PAXIP1: variants seen among roughly 807,000 people sequenced by gnomAD.
The protein encoded by PAXIP1 is PAX interacting protein 1, also known as PAX-interacting protein 1.
Under a neutral mutation model 140.6 loss-of-function variants are expected in PAXIP1, and 19 were observed. The ratio of observed to expected loss-of-function variants is 0.14; its 90% CI spans 0.09 to 0.20. The LOEUF is 0.20. Among genes scored for constraint, PAXIP1 ranks in the 10% least tolerant of loss-of-function variants. The probability of loss-of-function intolerance (pLI) is 1.00; values close to 1 mark genes in which losing one functional copy is unlikely to be tolerated. For missense variants in PAXIP1, 920 were observed against 1,208.6 expected (o/e 0.76, Z 3.54); for synonymous variants, 442 against 444.6 (o/e 0.99, Z 0.07).
chr7:154,989,193 C>T (rs1810210142), intron 4 of PAXIP1, among the ~76,000 whole-genome samples: 1 of 152,184 alleles, frequency 6.6e-6, no homozygotes, highest in South Asian at 2.1e-4. Context: ...AACAAAAACA[C>T]AGTAACCACA....
chr7:154,990,239 C>A (rs1420639025), intron 4 of PAXIP1, among the ~76,000 whole-genome samples: 1 of 152,010 alleles, frequency 6.6e-6, no homozygotes, highest in East Asian at 1.9e-4. Context: ...CGGGGTTTCG[C>A]CACGTTTGCC....
chr7:154,988,611 C>T (rs1343753122), intron 4 of PAXIP1, among the ~76,000 whole-genome samples: 1 of 152,116 alleles, frequency 6.6e-6, no homozygotes, highest in Non-Finnish European at 1.5e-5. Context: ...TTTTGATTTT[C>T]TTATTTATTT....
At chr7:154,972,340 T>C (rs1809368046) in intron 6 of PAXIP1, among the ~76,000 whole-genome samples, 1 of 152,026 alleles carries the variant, frequency 6.6e-6, no homozygotes, top group African/African-American at 2.4e-5. Context: ...TGAACAAACA[T>C]TAGCCGGGCG....
rs1308387200 is a variant in PAXIP1, at chr7:154,975,829, G to A, written c.941C>T (p.Ala314Val). The A allele has an allele frequency of 6.2e-7, 1 of 1,613,964 alleles. No individual in the cohort carries two copies. Among genetic ancestry groups the A allele is most frequent in the Admixed American group, 1.7e-5 (1 of 60,022 alleles). ...LPPEVRGNLMAAGQNLQSSER... is the reference protein window; with the variant it reads ...LPPEVRGNLMVAGQNLQSSER... ...AGAACTTTGGAGGTTTTGTCCAGCA[G>A]CCATTAAATTACCCCGGACCTCAGG... Residue 314 changes from alanine to valine, a missense_variant, in exon 6 of 21, where the codon GCT (alanine) becomes GTT (valine). Physicochemically the swap from Ala to Val is moderately conservative, Grantham distance 64 (BLOSUM62 0). Around this residue, in one of 5 missense-constraint regions of PAXIP1, gnomAD observed 419 missense variants for 514.7 expected, o/e 0.81. Transcript: ENST00000404141.
rs1808872404 is a variant in PAXIP1 at position 154,963,743 on chromosome 7, A to G, written c.1917T>C (p.Thr639=). Residue 639 remains threonine (T), a synonymous_variant, in exon 9 of 21, where the codon ACT becomes ACC. Transcript: ENST00000404141. This position sits in a 1 kb window ranked among gnomAD's most constrained non-coding sequence, Gnocchi z 4.1. ...ATCGACTCGTGAAGGTGGGGTCAACAGTGCCGCCATGTGCCTGGATTATCT... is the reference window on the plus strand; with the variant it reads ...ATCGACTCGTGAAGGTGGGGTCAACGGTGCCGCCATGTGCCTGGATTATCT... ...WKRIIQAHGG[T]VDPTFTSRCT... 6.2e-7 allele frequency: 1 copy of G among 1,613,372 alleles called. No homozygotes were observed. Among genetic ancestry groups the G allele is most frequent in the East Asian group, 2.2e-5 (1 of 44,870 alleles).
rs1400836384 is a variant in PAXIP1, at chr7:154,957,288, T to C, written c.2485A>G (p.Arg829Gly). The C allele has an allele frequency of 1.9e-6, 3 of 1,587,374 alleles. No homozygotes were observed. Among genetic ancestry groups the C allele is most frequent in the Non-Finnish European group, 2.6e-6 (3 of 1,160,362 alleles). Reference protein sequence around the residue: ...KVSAELLMSIRLPPKLKQNEV... With the variant: ...KVSAELLMSIGLPPKLKQNEV... ...TTCTGTTTCAGTTTGGGAGGTAGTC[T>C]TATACTCTGCAATTAAAATATTGTC... is the stretch of plus-strand genomic sequence containing the variant. Residue 829 changes from arginine (R) to glycine (G), a missense_variant, in exon 14 of 21, where the codon AGA becomes GGA. Physicochemically the swap from Arg to Gly is moderately radical, Grantham distance 125. Coordinates refer to ENST00000404141, the MANE Select transcript of PAXIP1 (RefSeq NM_007349.4).
intron 2 of PAXIP1, among the ~76,000 whole-genome samples, chr7:154,995,659 G>A (rs891992327): frequency 6.6e-5 from 10 of 152,166 alleles, no homozygotes; most frequent in Non-Finnish European, 1.5e-4. Context: ...AGACCAGCCT[G>A]GCCAACATGG....
intron 3 of PAXIP1, 135 bp from the exon 4 acceptor site, chr7:154,991,204 G>C: frequency 1.9e-6 from 1 of 524,190 alleles, no homozygotes; most frequent in Non-Finnish European, 3.4e-6. Context: ...ACAAAGAAGA[G>C]TACAGGGCAG....
intron 1 of PAXIP1, chr7:155,001,275 C>T (rs1810874061): frequency 1.3e-5 from 2 of 151,894 alleles, no homozygotes; most frequent in African/African-American, 4.8e-5. Flanking sequence ...ACATTTGGTT[C>T]AAGTCCCCTA....
At chr7:154,996,614 G>A (rs1810629030) in intron 2 of PAXIP1, among the ~76,000 whole-genome samples, 1 of 152,156 alleles carries the variant, frequency 6.6e-6, no homozygotes. Context: ...CACTTGTGGG[G>A]TATGATATCA....
At chr7:154,965,145 T>G (rs1010225671) in intron 8 of PAXIP1, 6 of 152,244 alleles carry the variant, frequency 3.9e-5, no homozygotes, top group Non-Finnish European at 7.3e-5. Context: ...CCCTCTATCT[T>G]GGGTCACACC....
rs1195724803 is a variant in PAXIP1, at chr7:154,970,737, C to T, written c.1075-1611G>A. 2.6e-5 allele frequency among the ~76,000 whole-genome samples: 4 copies of T among 152,218 alleles called. No individual in the cohort carries two copies. In the South Asian group the frequency reaches 6.2e-4, roughly 24 times the overall value. The stretch of plus-strand genomic sequence containing the variant: ...TGCCTGGTGGGCACCAGCCATGAGC[C>T]CTACACGGCAAACTGCTGGAAACAG... On this transcript the variant is annotated intron_variant, in intron 6 of 20. Coordinates refer to ENST00000404141, the MANE Select transcript of PAXIP1 (RefSeq NM_007349.4).
At chr7:154,960,488 A>G (rs1259190530) in intron 12 of PAXIP1, among the ~76,000 whole-genome samples, 4 of 152,208 alleles carry the variant, frequency 2.6e-5, no homozygotes, top group Admixed American at 2.6e-4. Flanking sequence ...AAAGCTTTCA[A>G]GCGCTCCTTC....
chr7:154,977,580 T>C (rs1024913172), intron 5 of PAXIP1, among the ~76,000 whole-genome samples: 10 of 152,246 alleles, frequency 6.6e-5, no homozygotes, highest in Non-Finnish European at 1.0e-4. Flanking sequence ...TTTGTGAGTT[T>C]GTTCTTTCTC....
At chr7:154,947,719 T>A in intron 17 of PAXIP1, 184 bp downstream of exon 17, 1 of 588,748 alleles carries the variant, frequency 1.7e-6, no homozygotes, top group Non-Finnish European at 3.1e-6. Context: ...AGAGATGTGC[T>A]GTGGTTCACA....
chr7:154,947,541 T>TAGTAC (rs1808044408), intron 17 of PAXIP1: 1 of 203,068 alleles, frequency 4.9e-6, no homozygotes, highest in Non-Finnish European at 1.0e-5. Context: ...TTACTGACAA[T>TAGTAC]AGTACGAAGT....
chr7:154,985,853 G>A (rs1046625873), intron 4 of PAXIP1, among the ~76,000 whole-genome samples: 1 of 152,178 alleles, frequency 6.6e-6, no homozygotes, highest in African/African-American at 2.4e-5. Flanking sequence ...AAACTTCTCT[G>A]AGATCTTTCA....
At chr7:154,945,793 A>AT in intron 20 of PAXIP1, 1 of 984,694 alleles carries the variant, frequency 1.0e-6, no homozygotes, top group Non-Finnish European at 1.2e-6. Context: ...TAATTCAGAG[A>AT]TTTTTAATAA....
At chr7:154,998,564 C>A (rs971274183) in intron 2 of PAXIP1, 86 bp downstream of exon 2, 1 of 837,614 alleles carries the variant, frequency 1.2e-6, no homozygotes, top group East Asian at 2.8e-5. Context: ...TAGCAAAAAC[C>A]CTGAAAAGAG....
Sources: gnomAD v4.1 joint callset for allele counts (sites outside exome capture counted in the v4.1 genomes callset) on GRCh38, gnomAD v4.1.1 for gene constraint, gnomAD v4.1.1 regional missense constraint, Gnocchi (gnomAD v3.1) non-coding constraint, MANE v1.5 for transcripts, NCBI Gene and HGNC (gene_info 2026-07-23, HGNC 2026-07-21) for gene names.